TFAP2E: variants seen among roughly 807,000 people sequenced by gnomAD.
TFAP2E encodes the protein transcription factor AP-2-epsilon.
A neutral mutation model predicts 37.9 loss-of-function variants in TFAP2E; 30 were observed. The observed-to-expected ratio is 0.79, with a 90% CI of 0.59 to 1.07. The LOEUF is 1.07. Ranked by LOEUF, TFAP2E falls within the 50% of genes least tolerant of loss-of-function variation. TFAP2E has a pLI of 0.00. For synonymous variants in TFAP2E, 318 were observed against 295.8 expected, an observed-to-expected ratio of 1.08 and a Z score of -0.77; for missense variants, 567 against 637.9, an observed-to-expected ratio of 0.89 and a Z score of 1.20.
At position 35,573,406 on chromosome 1, in the gene TFAP2E, A is replaced by G; in HGVS notation, c.-172A>G. 2.4e-6 allele frequency: 2 copies of G among 829,610 alleles called. No homozygotes were observed. Among genetic ancestry groups the G allele is most frequent in the South Asian group, 2.7e-5 (1 of 37,342 alleles). 51.4% of individuals were successfully genotyped at this position (829,610 alleles called of 1,614,324 possible). A position where few individuals can be genotyped will look rare whatever the true frequency, so the allele number is the denominator to read the frequency against. ...TCCTGCCTCCATGGACCCGCCCGGG[A>G]ACGGCCACCGCTGAGGACCCCACGC... On this transcript the variant is annotated 5_prime_UTR_variant, in exon 1 of 7. Transcript: ENST00000373235. This position sits in a 1 kb window ranked among gnomAD's most constrained non-coding sequence, Gnocchi z 5.9.
chr1:35,587,411 G>A (rs1004564807), intron 3 of TFAP2E, among the ~76,000 whole-genome samples: 14 of 152,138 alleles, frequency 9.2e-5, no homozygotes, highest in African/African-American at 3.1e-4. Flanking sequence ...AGGCCGAGGC[G>A]GGTGGATCAT....
intron 3 of TFAP2E, among the ~76,000 whole-genome samples, chr1:35,586,108 T>G (rs1034643444): frequency 1.3e-5 from 2 of 152,106 alleles, no homozygotes; most frequent in Non-Finnish European, 2.9e-5. Flanking sequence ...CACATTATAT[T>G]TCTCTTGGTC....
At chr1:35,591,486 C>A (rs1486677368) in intron 6 of TFAP2E, among the ~76,000 whole-genome samples, 1 of 152,176 alleles carries the variant, frequency 6.6e-6, no homozygotes, top group East Asian at 1.9e-4. Context: ...CACTACCGTT[C>A]ACATGCTGCC....
rs1311771906 is a variant in TFAP2E at position 35,573,784 on chromosome 1, C to T, written c.28-143C>T. ...GTCCCCAGCCTGAGGCTCCTGCGCCCGCGGGTGGCTCGGAAATAAACCTCG... is the reference window on the plus strand; with the variant it reads ...GTCCCCAGCCTGAGGCTCCTGCGCCTGCGGGTGGCTCGGAAATAAACCTCG... On this transcript the variant is annotated intron_variant, in intron 1 of 6. Coordinates refer to ENST00000373235, the MANE Select transcript of TFAP2E (RefSeq NM_178548.4). This position sits in a 1 kb window ranked among gnomAD's most constrained non-coding sequence, Gnocchi z 5.9. The T allele has an allele frequency of 5.8e-6, 8 of 1,369,552 alleles. No individual in the cohort carries two copies. Among genetic ancestry groups the T allele is most frequent in the African/African-American group, 1.5e-5 (1 of 65,132 alleles). 84.8% of individuals were successfully genotyped at this position (1,369,552 alleles called of 1,614,324 possible).
chr1:35,587,244 C>T (rs112685205), intron 3 of TFAP2E, among the ~76,000 whole-genome samples: 2 of 152,310 alleles, frequency 1.3e-5, no homozygotes, highest in Admixed American at 1.3e-4. Flanking sequence ...GCAAGTGCTT[C>T]GATATTCTCC....
At chr1:35,585,812 A>G (rs1423151822) in intron 3 of TFAP2E, among the ~76,000 whole-genome samples, 2 of 152,146 alleles carry the variant, frequency 1.3e-5, no homozygotes, top group Non-Finnish European at 2.9e-5. Context: ...TGGGAGGCCA[A>G]GGCAGGCAGG....
intron 4 of TFAP2E, 52 bp from the exon 5 acceptor site, chr1:35,589,878 C>A: frequency 1.3e-6 from 2 of 1,589,532 alleles, no homozygotes; most frequent in Non-Finnish European, 1.7e-6. Flanking sequence ...AGCTTCCATG[C>A]GTTTCTCTTG....
At chr1:35,584,158 G>T (rs1201435462) in intron 3 of TFAP2E, among the ~76,000 whole-genome samples, 7 of 152,270 alleles carry the variant, frequency 4.6e-5, no homozygotes, top group African/African-American at 1.7e-4. Flanking sequence ...CTGGAGTGCA[G>T]TGGTGCAATC....
chr1:35,585,042 T>A (rs1390456659), intron 3 of TFAP2E, among the ~76,000 whole-genome samples: 1 of 151,848 alleles, frequency 6.6e-6, no homozygotes, highest in Non-Finnish European at 1.5e-5. Flanking sequence ...TTCAGTGCGG[T>A]AAGGCCAGGG....
intron 3 of TFAP2E, among the ~76,000 whole-genome samples, chr1:35,576,625 C>T (rs903326207): frequency 6.6e-6 from 1 of 152,148 alleles, no homozygotes; most frequent in Non-Finnish European, 1.5e-5. Flanking sequence ...GGGATCTCTG[C>T]CCTGCGCAAG....
Position 35,574,114 on chromosome 1 carries a change from C to A in TFAP2E, c.215C>A (p.Ala72Asp), listed in dbSNP as rs770636006. 2.1e-5 allele frequency: 30 copies of A among 1,459,568 alleles called. No individual in the cohort carries two copies. Among genetic ancestry groups the A allele is most frequent in the African/African-American group, 3.0e-5 (2 of 67,260 alleles). The allele number at this position is 1,459,568 out of a possible 1,614,324, so 90.4% of individuals were successfully genotyped here. ...CTGCCCTACGGTCAGGCGCCCGACG[C>A]CGCCGCAGCCTTTCCCCACCTGGCA... ...PPLPYGQAPD[A>D]AAAFPHLAGD... The change falls in exon 2 of 7, where the codon GCC becomes GAC. Residue 72 changes from alanine to aspartate, a missense_variant. By Grantham distance (126) the Ala-to-Asp change is moderately radical (BLOSUM62 -2). Transcript: ENST00000373235.
chr1:35,578,008 A>G (rs1296182834), intron 3 of TFAP2E, among the ~76,000 whole-genome samples: 1 of 152,154 alleles, frequency 6.6e-6, no homozygotes, highest in African/African-American at 2.4e-5. Flanking sequence ...ATTTTCCAGC[A>G]GTGAGCAGGG....
intron 3 of TFAP2E, among the ~76,000 whole-genome samples, chr1:35,580,360 C>T (rs1228035520): frequency 1.3e-5 from 2 of 152,124 alleles, no homozygotes; most frequent in East Asian, 3.9e-4. Flanking sequence ...CTACTCCTCC[C>T]GTCTACCTTC....
rs1316542680 is a variant in TFAP2E at position 35,573,735 on chromosome 1, G to A, written c.27+131G>A. On this transcript the variant is annotated intron_variant, in intron 1 of 6. Transcript: ENST00000373235. This position sits in a 1 kb window ranked among gnomAD's most constrained non-coding sequence, Gnocchi z 5.9. ...GGGCCGCAGGGACTTCGCCAGCTGAGAACGCGATGCGCAAGTGACCGCTGT... is the reference window on the plus strand; with the variant it reads ...GGGCCGCAGGGACTTCGCCAGCTGAAAACGCGATGCGCAAGTGACCGCTGT... 2 of 1,429,092 alleles carry A rather than the reference G, an allele frequency of 1.4e-6. No individual in the cohort carries two copies. The highest frequency in any genetic ancestry group is 1.9e-6 in the Non-Finnish European group (2 of 1,080,224). 88.5% of individuals were successfully genotyped at this position (1,429,092 alleles called of 1,614,324 possible). A position where few individuals can be genotyped will look rare whatever the true frequency, so the allele number is the denominator to read the frequency against.
Position 35,594,519 on chromosome 1 carries a change from A to G in TFAP2E, c.1172A>G (p.His391Arg). The G allele has an allele frequency of 6.2e-7, 1 of 1,614,116 alleles. No homozygotes were observed. The highest frequency in any genetic ancestry group is 8.5e-7 in the Non-Finnish European group (1 of 1,180,020). The change falls in exon 7 of 7, where the codon CAT becomes CGT. Residue 391 changes from histidine to arginine, a missense_variant. Coordinates refer to ENST00000373235, the MANE Select transcript of TFAP2E (RefSeq NM_178548.4). ...TTGACACACTTTAGCCTCATCACCC[A>G]TGGCTTCGGTGGGCCTGCCATCTGT... is the stretch of plus-strand genomic sequence containing the variant. ...SCLTHFSLIT[H>R]GFGGPAICAA...
At chr1:35,593,942 A>C (rs1440729555) in intron 6 of TFAP2E, among the ~76,000 whole-genome samples, 1 of 152,238 alleles carries the variant, frequency 6.6e-6, no homozygotes, top group Non-Finnish European at 1.5e-5. Flanking sequence ...TGATGCAGAC[A>C]GTGTGGTTGG....
At position 35,577,346 on chromosome 1, in the gene TFAP2E, G is replaced by T. The variant is rs1048182392; in HGVS notation, c.562+2346G>T. On this transcript the variant is annotated intron_variant, in intron 3 of 6. Coordinates refer to ENST00000373235, the MANE Select transcript of TFAP2E (RefSeq NM_178548.4). The surrounding 1 kb of genome is among the most constrained non-coding windows in gnomAD (Gnocchi z 6.3). Reference sequence around the variant, plus strand: ...CCTTGGCCCTCCGCGGTCACTGCGGGATTCGGCGTTGCCGCCAGCCCAGTG... The same window carrying T: ...CCTTGGCCCTCCGCGGTCACTGCGGTATTCGGCGTTGCCGCCAGCCCAGTG... The T allele has an allele frequency of 2.2e-6, 1 of 456,618 alleles. No individual in the cohort carries two copies. The highest frequency in any genetic ancestry group is 2.3e-5 in the Admixed American group (1 of 42,570). The allele number at this position is 456,618 out of a possible 1,614,324, so 28.3% of individuals were successfully genotyped here. A position where few individuals can be genotyped will look rare whatever the true frequency, so the allele number is the denominator to read the frequency against.
chr1:35,590,864 G>A lies in TFAP2E; in HGVS notation c.1046+89G>A, dbSNP rs1254143987. ...GCACAATGGACACCACTGTGTACATGAGCAGTGGGCACACATGCGTATTTG... is the reference window on the plus strand; with the variant it reads ...GCACAATGGACACCACTGTGTACATAAGCAGTGGGCACACATGCGTATTTG... On this transcript the variant is annotated intron_variant, in intron 6 of 6. Transcript: ENST00000373235. This position sits in a 1 kb window ranked among gnomAD's most constrained non-coding sequence, Gnocchi z 6.2. 1.5e-5 allele frequency: 19 copies of A among 1,279,046 alleles called. No homozygotes were observed. The African/African-American group carries it at 2.1e-4, about 14-fold the overall frequency. 79.2% of individuals were successfully genotyped at this position (1,279,046 alleles called of 1,614,324 possible). A position where few individuals can be genotyped will look rare whatever the true frequency, so the allele number is the denominator to read the frequency against.
In TFAP2E at chr1:35,588,658, A is replaced by C; in HGVS notation, c.785+106A>C. 1 of 1,217,438 alleles carries C rather than the reference A, an allele frequency of 8.2e-7. No homozygotes were observed. The allele number at this position is 1,217,438 out of a possible 1,614,324, so 75.4% of individuals were successfully genotyped here. A position where few individuals can be genotyped will look rare whatever the true frequency, so the allele number is the denominator to read the frequency against. On this transcript the variant is annotated intron_variant, in intron 4 of 6. Transcript: ENST00000373235. This position sits in a 1 kb window ranked among gnomAD's most constrained non-coding sequence, Gnocchi z 5.1. ...CAGTCTCACCTAGGCCCTCTGCCTC[A>C]GTCTCCCTGGGAGGGGAGGCCCCGG... is the stretch of plus-strand genomic sequence containing the variant.
Sources: allele counts gnomAD v4.1 joint callset (sites outside exome capture counted in the v4.1 genomes callset), GRCh38; gene constraint gnomAD v4.1.1; non-coding constraint Gnocchi (gnomAD v3.1); transcripts MANE v1.5; gene names NCBI Gene and HGNC (gene_info 2026-07-23, HGNC 2026-07-21).